The following ZAN variants were observed in gnomAD, a reference collection of about 807,000 sequenced individuals.
ZAN encodes the protein zonadhesin, also known as zonadhesin (gene/pseudogene).
ZAN carries 260 observed loss-of-function variants against 286.2 expected under a neutral mutation model. That is an observed-to-expected ratio of 0.91 (90% CI 0.82 to 1.01). The LOEUF is 1.01. Ranked by LOEUF, ZAN falls within the 50% of genes least tolerant of loss-of-function variation. The pLI is 0.00. For missense variants in ZAN, 3,410 were observed against 3,639.2 expected (o/e 0.94, Z 1.62); for synonymous variants, 1,368 against 1,417.5 (o/e 0.97, Z 0.79).
At chr7:100,789,562 C>T (rs904623154) in intron 39 of ZAN, among the ~76,000 whole-genome samples, 7 of 152,128 alleles carry the variant, frequency 4.6e-5, no homozygotes, top group East Asian at 1.9e-4. Context: ...GAAATCCCAG[C>T]GCTCCGGGAA....
Position 100,736,523 on chromosome 7 carries a change from C to T in ZAN, c.147C>T (p.Pro49=), listed in dbSNP as rs1284523920. 1 of 1,524,138 alleles carries T rather than the reference C, an allele frequency of 6.6e-7. No individual in the cohort carries two copies. Among genetic ancestry groups the T allele is most frequent in the Non-Finnish European group, 9.0e-7 (1 of 1,108,138 alleles). The allele number at this position is 1,524,138 out of a possible 1,614,324, so 94.4% of individuals were successfully genotyped here. ...TQCDFEDDAK[P]LCDWSQVSAD... The stretch of plus-strand genomic sequence containing the variant: ...GTGATTTTGAGGATGACGCCAAACC[C>T]CTCTGTGACTGGTCCCAAGTGTCCG... Residue 49 remains proline (P), a synonymous_variant, in exon 4 of 48, where the codon CCC becomes CCT. Coordinates refer to ENST00000613979, the MANE Select transcript of ZAN (RefSeq NM_003386.3).
intron 15 of ZAN, among the ~76,000 whole-genome samples, chr7:100,757,794 G>C (rs1294996569): frequency 6.7e-6 from 1 of 150,222 alleles, no homozygotes; most frequent in Non-Finnish European, 1.5e-5. Flanking sequence ...CAGACATAAG[G>C]CTGGGTGCAG....
chr7:100,736,352 C>T lies in ZAN; in HGVS notation c.107-131C>T, dbSNP rs747103862. On this transcript the variant is annotated intron_variant, in intron 3 of 47. Transcript: ENST00000613979. ...CCCAGTAGCTGGGACTACAGGTGTG[C>T]GCCACCACACCCGGCTGATTTCATG... 121 of 1,074,470 alleles carry T rather than the reference C, an allele frequency of 1.1e-4. 18 individuals are homozygous for T. The highest frequency in any genetic ancestry group is 2.0e-4 in the Middle Eastern group (1 of 5,112). 66.6% of individuals were successfully genotyped at this position (1,074,470 alleles called of 1,614,324 possible).
intron 42 of ZAN, among the ~76,000 whole-genome samples, chr7:100,792,982 C>CAAAAAAAAAAAAAAAAA (rs1232116032): frequency 1.4e-4 from 7 of 50,918 alleles, no homozygotes; most frequent in South Asian, 4.7e-4. Context: ...CATCCTATCT[C>CAAAAAAAAAAAAAAAAA]AAAAAAAAAA....
At chr7:100,745,517 C>T (rs751838658) in intron 7 of ZAN, among the ~76,000 whole-genome samples, 1 of 151,680 alleles carries the variant, frequency 6.6e-6, no homozygotes, top group Admixed American at 6.6e-5. Flanking sequence ...GGGGGTTTGC[C>T]TCTTGCTCCT....
chr7:100,767,680 T>C (rs568102900), intron 25 of ZAN, 151 bp from the exon 26 acceptor site: 3 of 864,434 alleles, frequency 3.5e-6, no homozygotes, highest in East Asian at 2.8e-5. Flanking sequence ...GCTTTCTCCA[T>C]GTTGCCCAGG....
intron 11 of ZAN, among the ~76,000 whole-genome samples, chr7:100,749,315 C>T (rs538435934): frequency 1.1e-4 from 17 of 151,494 alleles, no homozygotes; most frequent in Admixed American, 4.0e-4. Context: ...GCACTCCATC[C>T]GGGGCAACAG....
chr7:100,775,434 C>A lies in ZAN; in HGVS notation c.5886C>A (p.His1962Gln), dbSNP rs373928294. The A allele has an allele frequency of 2.5e-6, 4 of 1,613,838 alleles. No homozygotes were observed. The African/African-American group carries it at 4.0e-5, about 16-fold the overall frequency. The change falls in exon 32 of 48, where the codon CAC becomes CAA. Residue 1962 changes from histidine to glutamine, a missense_variant. His to Gln is a conservative substitution (Grantham distance 24). This residue lies in a region of ZAN where 1,289 missense variants were observed against 1,314.3 expected (regional missense o/e 0.98). Coordinates refer to ENST00000613979, the MANE Select transcript of ZAN (RefSeq NM_003386.3). ...CTCTTGTCCTGGTGAAAGTGTGCCA[C>A]CCCGCCATGGCCTTGCCCTTCTTCA... ...ACTLVLVKVC[H>Q]PAMALPFFKI...
chr7:100,792,268 T>C lies in ZAN; in HGVS notation c.7712+120T>C, dbSNP rs1584636594. ...GTGGTTCACTCCTCCGTTCTCCCTG[T>C]GGCCTAATTTCCTTGTGACCCTCAC... On this transcript the variant is annotated intron_variant, in intron 41 of 47. Coordinates refer to ENST00000613979, the MANE Select transcript of ZAN (RefSeq NM_003386.3). 1.4e-5 allele frequency: 21 copies of C among 1,500,314 alleles called. No individual in the cohort carries two copies. In the East Asian group the frequency reaches 3.7e-4, roughly 26 times the overall value. The allele number at this position is 1,500,314 out of a possible 1,614,324, so 92.9% of individuals were successfully genotyped here.
At chr7:100,739,803 G>A (rs1438511479) in intron 7 of ZAN, among the ~76,000 whole-genome samples, 1 of 139,398 alleles carries the variant, frequency 7.2e-6, no homozygotes, top group East Asian at 2.1e-4. Flanking sequence ...GACTACAGGT[G>A]TACACCACCA....
Position 100,771,986 on chromosome 7 carries a change from CCA to C in ZAN, c.5392_5393del (p.Gln1798GlyfsTer48). On this transcript the variant is annotated frameshift_variant, in exon 29 of 48. Transcript: ENST00000613979. LOFTEE classifies it high-confidence loss of function. ...ACGCGTCCCTGTGTGCCCAGGCTGGCCAGGCCCCTGCCTGGCGGAACAGAACC... is the reference window on the plus strand; with the variant it reads ...ACGCGTCCCTGTGTGCCCAGGCTGGCGGCCCCTGCCTGGCGGAACAGAACC... ...AYASLCAQAGQAPAWRNRTFC... is the reference protein window; with the variant it reads ...AYASLCAQAGXAPAWRNRTFC... 1 of 1,607,010 alleles carries C rather than the reference CCA, an allele frequency of 6.2e-7. No individual in the cohort carries two copies. Among genetic ancestry groups the C allele is most frequent in the Non-Finnish European group, 8.5e-7 (1 of 1,178,644 alleles).
At chr7:100,751,137 T>C (rs753897511) in intron 12 of ZAN, 45 bp from the exon 13 acceptor site, 8 of 1,485,556 alleles carry the variant, frequency 5.4e-6, no homozygotes, top group African/African-American at 2.8e-5. Flanking sequence ...TTGCTGGAGA[T>C]TCATTTTTGT....
intron 19 of ZAN, among the ~76,000 whole-genome samples, chr7:100,761,861 C>A (rs996437494): frequency 3.3e-5 from 5 of 151,694 alleles, no homozygotes; most frequent in African/African-American, 1.2e-4. Context: ...ATCACTAGAA[C>A]CCGGGAGGTG....
Position 100,794,251 on chromosome 7 carries a change from C to A in ZAN, c.8118C>A (p.Cys2706Ter). 6.2e-7 allele frequency: 1 copy of A among 1,601,870 alleles called. No individual in the cohort carries two copies. Among genetic ancestry groups the A allele is most frequent in the Non-Finnish European group, 8.5e-7 (1 of 1,173,138 alleles). Residue 2706 changes from cysteine (C) to a stop codon, truncating the protein, a stop_gained, in exon 44 of 48, where the codon TGC becomes TGA. Transcript: ENST00000613979. LOFTEE classifies it high-confidence loss of function. Reference protein sequence around the residue: ...VCTLGNHTQGCFPESPCLQNP... With the variant: ...VCTLGNHTQG ...CCCTGGGGAACCACACCCAAGGCTGCTTTCCAGGTGAACCTGCACTCCTGC... is the reference window on the plus strand; with the variant it reads ...CCCTGGGGAACCACACCCAAGGCTGATTTCCAGGTGAACCTGCACTCCTGC...
Position 100,763,717 on chromosome 7 carries a change from C to G in ZAN, c.3987-89C>G, listed in dbSNP as rs1809744320. The G allele has an allele frequency of 7.3e-7, 1 of 1,366,644 alleles. No homozygotes were observed. The allele number at this position is 1,366,644 out of a possible 1,614,324, so 84.7% of individuals were successfully genotyped here. A position where few individuals can be genotyped will look rare whatever the true frequency, so the allele number is the denominator to read the frequency against. ...CCAGCTGACAGGCTGGTTTGCCGGT[C>G]CCGGCCTGCCAGCCTTGCTGCCTGC... is the stretch of plus-strand genomic sequence containing the variant. On this transcript the variant is annotated intron_variant, in intron 20 of 47. Transcript: ENST00000613979. The surrounding 1 kb of genome is among the most constrained non-coding windows in gnomAD (Gnocchi z 4.6).
At chr7:100,735,442 C>T (rs1807226154) in intron 2 of ZAN, among the ~76,000 whole-genome samples, 2 of 136,432 alleles carry the variant, frequency 1.5e-5, no homozygotes, top group African/African-American at 5.4e-5. Flanking sequence ...TGGCATGCTC[C>T]TGTAGTCCCA....
In ZAN at chr7:100,758,250, TGGCC is replaced by T. The variant is rs1223105748; in HGVS notation, c.3359_3362del (p.Trp1120SerfsTer76). The T allele has an allele frequency of 2.5e-6, 4 of 1,613,474 alleles. No homozygotes were observed. In the South Asian group the frequency reaches 4.4e-5, roughly 18 times the overall value. On this transcript the variant is annotated frameshift_variant, in exon 16 of 48. Coordinates refer to ENST00000613979, the MANE Select transcript of ZAN (RefSeq NM_003386.3). LOFTEE classifies it high-confidence loss of function. ...CAACTGCACAGAACATTGCCGCTGC[TGGCC>T]CGGCAGTCGGGTCGAGTGCCAGATC...
rs1811373713 is a variant in ZAN at position 100,783,801 on chromosome 7, CACACATATATATATACAT to C, written c.6623-820_6623-803del. ...ATATATATACACATATATATATATA[CACACATATATATATACAT>C]ATATATATATGTATATTTTATTGAG... On this transcript the variant is annotated intron_variant, in intron 35 of 47. Coordinates refer to ENST00000613979, the MANE Select transcript of ZAN (RefSeq NM_003386.3). Among the ~76,000 whole-genome samples, 2 of 12,044 alleles carry C rather than the reference CACACATATATATATACAT, an allele frequency of 1.7e-4. 1 individual carries two copies. The highest frequency in any genetic ancestry group is 7.7e-3 in the South Asian group (2 of 260). The allele number at this position is 12,044 out of a possible 152,430, so 7.9% of individuals were successfully genotyped here. A position where few individuals can be genotyped will look rare whatever the true frequency, so the allele number is the denominator to read the frequency against.
intron 24 of ZAN, 106 bp downstream of exon 24, chr7:100,766,772 G>A (rs1810004652): frequency 1.4e-6 from 2 of 1,459,794 alleles, no homozygotes; most frequent in Admixed American, 5.1e-5. Flanking sequence ...GTCTCCACCA[G>A]GGCCTGGGAG....
Sources: gnomAD v4.1 joint callset for allele counts (sites outside exome capture counted in the v4.1 genomes callset) on GRCh38, gnomAD v4.1.1 for gene constraint, gnomAD v4.1.1 regional missense constraint, Gnocchi (gnomAD v3.1) non-coding constraint, MANE v1.5 for transcripts, NCBI Gene and HGNC (gene_info 2026-07-23, HGNC 2026-07-21) for gene names.